The following LAMA2 variants were observed in gnomAD, a reference collection of about 807,000 sequenced individuals.
The protein encoded by LAMA2 is laminin subunit alpha-2.
In LAMA2, 269 loss-of-function variants were observed where a neutral mutation model predicts 364.8. The ratio of observed to expected loss-of-function variants is 0.74; its 90% CI spans 0.67 to 0.82. The LOEUF is 0.82. Ranked by LOEUF, LAMA2 falls within the 40% of genes least tolerant of loss-of-function variation. The pLI is 0.00. For synonymous variants in LAMA2, 1,379 were observed against 1,370.6 expected (o/e 1.01, Z -0.14); for missense variants, 3,807 against 3,873.2 (o/e 0.98, Z 0.45).
At chr6:129,322,540 C>T (rs1002850366) in intron 28 of LAMA2, among the ~76,000 whole-genome samples, 4 of 152,096 alleles carry the variant, frequency 2.6e-5, no homozygotes, top group Admixed American at 6.6e-5. Context: ...TGTAGACCTT[C>T]GTTATTATAT....
chr6:129,163,556 C>T (rs1341320942), intron 8 of LAMA2, among the ~76,000 whole-genome samples: 2 of 152,104 alleles, frequency 1.3e-5, no homozygotes, highest in Non-Finnish European at 2.9e-5. Flanking sequence ...ATAGCTTGAA[C>T]CCAGGAAGTG....
Position 129,427,801 on chromosome 6 carries a change from A to T in LAMA2, c.5915A>T (p.Gln1972Leu), listed in dbSNP as rs1417155715. 3.1e-6 allele frequency: 5 copies of T among 1,613,804 alleles called. No homozygotes were observed. Residue 1972 changes from glutamine to leucine, a missense_variant, in exon 41 of 65, where the codon CAG becomes CTG. Gln to Leu is a moderately radical substitution (Grantham distance 113). Coordinates refer to ENST00000421865, the MANE Select transcript of LAMA2 (RefSeq NM_000426.4). Reference protein sequence around the residue: ...LLKEDAKGCLQKSFRILNEAK... With the variant: ...LLKEDAKGCLLKSFRILNEAK... ...AAGGAAGATGCCAAAGGCTGTCTTC[A>T]GAAAAGCTTCAGGATTCTTAACGAA...
chr6:128,888,042 A>G (rs896280356), intron 1 of LAMA2, among the ~76,000 whole-genome samples: 35 of 152,202 alleles, frequency 2.3e-4, no homozygotes, highest in Non-Finnish European at 8.8e-5. Context: ...CTTCTAATCT[A>G]GAAGATTCGG....
At chr6:129,052,010 T>C (rs1400957282) in intron 2 of LAMA2, among the ~76,000 whole-genome samples, 1 of 151,668 alleles carries the variant, frequency 6.6e-6, no homozygotes, top group Non-Finnish European at 1.5e-5. Flanking sequence ...TATATATATA[T>C]ATATGTAGAG....
intron 32 of LAMA2, 150 bp downstream of exon 32, chr6:129,353,507 CT>C (rs1776982586): frequency 1.4e-6 from 1 of 691,974 alleles, no homozygotes; most frequent in African/African-American, 1.8e-5. Flanking sequence ...ATCTATCCAC[CT>C]TCTGCTGTTC....
At chr6:129,078,166 G>C (rs959502776) in intron 3 of LAMA2, among the ~76,000 whole-genome samples, 1 of 150,814 alleles carries the variant, frequency 6.6e-6, no homozygotes, top group African/African-American at 2.4e-5. Context: ...ACAAAGTCTT[G>C]CTGTGTCGCT....
At chr6:128,950,851 T>C (rs1780771847) in intron 1 of LAMA2, among the ~76,000 whole-genome samples, 1 of 152,154 alleles carries the variant, frequency 6.6e-6, no homozygotes, top group African/African-American at 2.4e-5. Context: ...CATGTATACA[T>C]ATACATGTAA....
At chr6:129,205,516 A>ACC (rs1369947731) in intron 12 of LAMA2, among the ~76,000 whole-genome samples, 1 of 138,742 alleles carries the variant, frequency 7.2e-6, no homozygotes, top group African/African-American at 3.0e-5. Flanking sequence ...ACACACACAC[A>ACC]CACACACACA....
At chr6:129,013,427 A>G (rs1251083086) in intron 1 of LAMA2, among the ~76,000 whole-genome samples, 2 of 151,014 alleles carry the variant, frequency 1.3e-5, no homozygotes, top group East Asian at 3.9e-4. Context: ...AAAGAGAGAG[A>G]CTCCATCTCA....
At chr6:128,909,199 T>C (rs1777713257) in intron 1 of LAMA2, among the ~76,000 whole-genome samples, 1 of 152,104 alleles carries the variant, frequency 6.6e-6, no homozygotes, top group Admixed American at 6.5e-5. Flanking sequence ...CTTGTTGACT[T>C]TCTGTCTCGT....
At chr6:128,928,294 C>A (rs1386564797) in intron 1 of LAMA2, among the ~76,000 whole-genome samples, 1 of 152,148 alleles carries the variant, frequency 6.6e-6, no homozygotes, top group Non-Finnish European at 1.5e-5. Flanking sequence ...ATTCAGAAAT[C>A]AAACATGTTT....
chr6:129,337,321 C>T (rs1776008931), intron 29 of LAMA2, among the ~76,000 whole-genome samples: 1 of 152,152 alleles, frequency 6.6e-6, no homozygotes, highest in Non-Finnish European at 1.5e-5. Context: ...GACTTATAAT[C>T]TACTATATTT....
intron 12 of LAMA2, among the ~76,000 whole-genome samples, chr6:129,222,692 A>C (rs1303505740): frequency 6.6e-6 from 1 of 152,082 alleles, no homozygotes; most frequent in African/African-American, 2.4e-5. Context: ...TTATGGCTGC[A>C]TAGTATTCCA....
Position 129,419,143 on chromosome 6 carries a change from AG to A in LAMA2, c.5866-8608del, listed in dbSNP as rs537637088. ...AGCAGAGAAATAAATTTTTTGACCC[AG>A]CCTTAGATGTATTTAAAAGTTCAGG... On this transcript the variant is annotated intron_variant, in intron 40 of 64. Coordinates refer to ENST00000421865, the MANE Select transcript of LAMA2 (RefSeq NM_000426.4). Among the ~76,000 whole-genome samples, 158 of 152,168 alleles carry A rather than the reference AG, an allele frequency of 1.0e-3. 1 individual carries two copies. Among genetic ancestry groups the A allele is most frequent in the African/African-American group, 3.6e-3 (150 of 41,488 alleles).
chr6:129,495,342 T>G lies in LAMA2; in HGVS notation c.8244+2859T>G, dbSNP rs1583884815. On this transcript the variant is annotated intron_variant, in intron 58 of 64. Coordinates refer to ENST00000421865, the MANE Select transcript of LAMA2 (RefSeq NM_000426.4). The stretch of plus-strand genomic sequence containing the variant: ...CCTAGCTTAGGTATTCTTTGTATTA[T>G]CTCATTTCTAATTACTATCCCCTCC... Among the ~76,000 whole-genome samples, 3 of 152,300 alleles carry G rather than the reference T, an allele frequency of 2.0e-5. No individual in the cohort carries two copies. The Middle Eastern group carries it at 0.01, about 518-fold the overall frequency.
At chr6:129,344,137 T>G (rs1776416162) in intron 30 of LAMA2, among the ~76,000 whole-genome samples, 1 of 152,162 alleles carries the variant, frequency 6.6e-6, no homozygotes, top group East Asian at 1.9e-4. Flanking sequence ...AATATGATTA[T>G]GGCCACATTT....
At chr6:129,510,850 A>C (rs1786514368) in intron 62 of LAMA2, among the ~76,000 whole-genome samples, 1 of 152,112 alleles carries the variant, frequency 6.6e-6, no homozygotes, top group Non-Finnish European at 1.5e-5. Flanking sequence ...GGGAAGCAGA[A>C]AACAGAAAAA....
intron 19 of LAMA2, among the ~76,000 whole-genome samples, chr6:129,289,237 CA>C (rs1789512208): frequency 6.6e-6 from 1 of 152,120 alleles, no homozygotes; most frequent in Non-Finnish European, 1.5e-5. Flanking sequence ...GGATTCCTGA[CA>C]AATGTATAAA....
At chr6:128,986,286 C>G (rs1437374102) in intron 1 of LAMA2, among the ~76,000 whole-genome samples, 6 of 151,966 alleles carry the variant, frequency 3.9e-5, no homozygotes, top group Non-Finnish European at 5.9e-5. Context: ...TGCATATTTC[C>G]TGTCCTGGTT....
Sources: allele counts gnomAD v4.1 joint callset (sites outside exome capture counted in the v4.1 genomes callset), GRCh38; gene constraint gnomAD v4.1.1; transcripts MANE v1.5; gene names NCBI Gene and HGNC (gene_info 2026-07-23, HGNC 2026-07-21).